KRTDAP: variants seen among roughly 807,000 people sequenced by gnomAD.
KRTDAP encodes the protein keratinocyte differentiation associated protein.
KRTDAP carries 14 observed loss-of-function variants against 18.6 expected under a neutral mutation model. The observed-to-expected ratio is 0.75, with a 90% CI of 0.50 to 1.18. The LOEUF (loss-of-function observed/expected upper bound fraction) is 1.18, where lower values mean the gene tolerates loss of function less well. Among genes scored for constraint, KRTDAP ranks in the 50% most tolerant of loss-of-function variants. KRTDAP has a pLI of 0.00. For missense variants in KRTDAP, 114 were observed against 121.3 expected, an observed-to-expected ratio of 0.94 and a Z score of 0.28; for synonymous variants, 53 against 49.5, an observed-to-expected ratio of 1.07 and a Z score of -0.29.
At chr19:35,490,009 C>T (rs1332695402) in intron 1 of KRTDAP, among the ~76,000 whole-genome samples, 1 of 152,128 alleles carries the variant, frequency 6.6e-6, no homozygotes, top group Non-Finnish European at 1.5e-5. Flanking sequence ...CCCCTCTTCC[C>T]CTGCACGTCC....
chr19:35,488,396 T>G, intron 4 of KRTDAP, 45 bp downstream of exon 4: 1 of 1,600,946 alleles, frequency 6.2e-7, no homozygotes, highest in African/African-American at 1.3e-5. Context: ...TACCCTGGGA[T>G]GACTGCAGAC....
chr19:35,488,563 G>C, intron 3 of KRTDAP, 78 bp from the exon 4 acceptor site: 2 of 1,606,984 alleles, frequency 1.2e-6, no homozygotes, highest in South Asian at 2.2e-5. Flanking sequence ...TCTGGAGAAG[G>C]TGAAGGAACC....
rs2067506779 is a variant in KRTDAP, at chr19:35,488,799, T to C, written c.126+3A>G. On this transcript the variant is annotated splice_donor_region_variant and intron_variant, in intron 2 of 5. Transcript: ENST00000338897. ...GGAGGGCCGGGGAAAACAGACGGCT[T>C]ACCTCGGGTCGTGACGCATAATTCT... is the stretch of plus-strand genomic sequence containing the variant. 2 of 1,614,168 alleles carry C rather than the reference T, an allele frequency of 1.2e-6. No homozygotes were observed. The highest frequency in any genetic ancestry group is 1.7e-6 in the Non-Finnish European group (2 of 1,180,022).
Position 35,488,807 on chromosome 19 carries a change from G to A in KRTDAP, c.121C>T (p.Pro41Ser). Residue 41 changes from proline to serine, a missense_variant, in exon 2 of 6, where the codon CCC becomes TCC. Physicochemically the swap from Pro to Ser is moderately conservative, Grantham distance 74. Coordinates refer to ENST00000338897, the MANE Select transcript of KRTDAP (RefSeq NM_207392.3). The stretch of plus-strand genomic sequence containing the variant: ...GGGGAAAACAGACGGCTTACCTCGG[G>A]TCGTGACGCATAATTCTCAATGGTG... ...ESTIENYASR[P>S]EAFNTPFLNI... The A allele has an allele frequency of 6.2e-7, 1 of 1,614,156 alleles. No homozygotes were observed. The highest frequency in any genetic ancestry group is 8.5e-7 in the Non-Finnish European group (1 of 1,180,024).
At chr19:35,490,176 TCCCAAATGTCTC>T (rs1034748177) in intron 1 of KRTDAP, among the ~76,000 whole-genome samples, 168 bp downstream of exon 1, 18 of 152,096 alleles carry the variant, frequency 1.2e-4, no homozygotes, top group African/African-American at 4.3e-4. Context: ...AGCATCTCTG[TCCCAAATGTCTC>T]CCCAGGGATG....
chr19:35,489,381 G>A (rs755278464), intron 1 of KRTDAP, among the ~76,000 whole-genome samples: 22 of 152,170 alleles, frequency 1.4e-4, no homozygotes, highest in East Asian at 3.9e-4. Flanking sequence ...AGCCCAACAC[G>A]GAGCCCGCAG....
intron 1 of KRTDAP, among the ~76,000 whole-genome samples, chr19:35,490,113 G>T (rs1478976729): frequency 6.6e-6 from 1 of 152,066 alleles, no homozygotes; most frequent in Admixed American, 6.5e-5. Context: ...TCAGTCCCAA[G>T]GTTCAGTACA....
At chr19:35,490,266 G>T in intron 1 of KRTDAP, 90 bp downstream of exon 1, 1 of 772,830 alleles carries the variant, frequency 1.3e-6, no homozygotes, top group Non-Finnish European at 2.1e-6. Context: ...AAAACTAAGA[G>T]CCACTTATCC....
At chr19:35,488,275 G>A (rs1373623253) in intron 4 of KRTDAP, among the ~76,000 whole-genome samples, 166 bp downstream of exon 4, 1 of 152,200 alleles carries the variant, frequency 6.6e-6, no homozygotes, top group African/African-American at 2.4e-5. Context: ...CTGGCGCCGG[G>A]GGAAGCTTTC....
intron 3 of KRTDAP, 27 bp downstream of exon 3, chr19:35,488,635 G>T: frequency 6.2e-7 from 1 of 1,614,052 alleles, no homozygotes. Flanking sequence ...GGTATTCGTG[G>T]GGGTAGCACC....
At chr19:35,488,979 G>A (rs866279392) in intron 1 of KRTDAP, 139 bp from the exon 2 acceptor site, 3 of 737,006 alleles carry the variant, frequency 4.1e-6, no homozygotes, top group South Asian at 3.5e-5. Flanking sequence ...CATGGTCTCC[G>A]TTCCAGTCGC....
rs751184160 is a variant in KRTDAP, at chr19:35,488,721, G to A, written c.127-18C>T. The stretch of plus-strand genomic sequence containing the variant: ...TTAAAGGCCTAGGCAGAAACGCAGG[G>A]TGTTAGGAAAGTTGCTAAGAAGCAA... On this transcript the variant is annotated intron_variant, in intron 2 of 5. Transcript: ENST00000338897. The A allele has an allele frequency of 3.1e-6, 5 of 1,614,170 alleles. No homozygotes were observed. In the East Asian group the frequency reaches 1.1e-4, roughly 36 times the overall value.
chr19:35,488,141 GT>G (rs978601183), intron 4 of KRTDAP, among the ~76,000 whole-genome samples: 1 of 152,236 alleles, frequency 6.6e-6, no homozygotes, highest in Non-Finnish European at 1.5e-5. Context: ...GTGGGCCTCA[GT>G]TTTTCCATAG....
In KRTDAP at chr19:35,487,440, A is replaced by T; in HGVS notation, c.288T>A (p.Pro96=). The change falls in exon 6 of 6, where the codon CCT becomes CCA. Residue 96 remains proline (P), a synonymous_variant. Transcript: ENST00000338897. Reference sequence around the variant, plus strand: ...GTGGAGGTCATGGTCACTGGGCATCAGGAGTTGCGCTCCTCAGTCCTTTCA... The same window carrying T: ...GTGGAGGTCATGGTCACTGGGCATCTGGAGTTGCGCTCCTCAGTCCTTTCA... The part of the protein sequence containing the change: ...PKLKGLRSAT[P]DAQ The T allele has an allele frequency of 4.3e-6, 7 of 1,614,152 alleles. No individual in the cohort carries two copies. Among genetic ancestry groups the T allele is most frequent in the Non-Finnish European group, 5.9e-6 (7 of 1,179,978 alleles).
At chr19:35,488,628 A>C in intron 3 of KRTDAP, 34 bp downstream of exon 3, 1 of 1,613,916 alleles carries the variant, frequency 6.2e-7, no homozygotes, top group East Asian at 2.2e-5. Flanking sequence ...TGATGAGGGT[A>C]TTCGTGGGGG....
chr19:35,489,972 C>G (rs1198702519), intron 1 of KRTDAP, among the ~76,000 whole-genome samples: 4 of 152,200 alleles, frequency 2.6e-5, no homozygotes, highest in African/African-American at 9.7e-5. Flanking sequence ...TGGAGCTGCT[C>G]TGCCTCACAT....
intron 1 of KRTDAP, 26 bp from the exon 2 acceptor site, chr19:35,488,866 G>A (rs376088380): frequency 2.9e-5 from 47 of 1,612,156 alleles, no homozygotes; most frequent in South Asian, 2.1e-4. Context: ...GAGAAAAGGC[G>A]GCAGGGGGTC....
At chr19:35,489,723 G>T (rs145998432) in intron 1 of KRTDAP, among the ~76,000 whole-genome samples, 139 of 152,212 alleles carry the variant, frequency 9.1e-4, no homozygotes, top group Non-Finnish European at 1.6e-3. Flanking sequence ...CTCTGGCTGA[G>T]GACTGGATGG....
At chr19:35,487,849 C>A in intron 4 of KRTDAP, 90 bp from the exon 5 acceptor site, 1 of 789,254 alleles carries the variant, frequency 1.3e-6, no homozygotes, top group Non-Finnish European at 2.2e-6. Context: ...CCCACAGTAA[C>A]CATAGTAACA....
Sources: gnomAD v4.1 joint callset for allele counts (sites outside exome capture counted in the v4.1 genomes callset) on GRCh38, gnomAD v4.1.1 for gene constraint, MANE v1.5 for transcripts, NCBI Gene and HGNC (gene_info 2026-07-23, HGNC 2026-07-21) for gene names.